The following CABIN1 variants were observed in gnomAD, a reference collection of about 807,000 sequenced individuals.
CABIN1 encodes calcineurin-binding protein cabin-1.
A neutral mutation model predicts 227.7 loss-of-function variants in CABIN1; 133 were observed. That is an observed-to-expected ratio of 0.58 (90% CI 0.51 to 0.67). CABIN1 has a LOEUF of 0.67. CABIN1 is among the 30% of genes least tolerant of loss of function. The pLI is 0.00. For missense variants in CABIN1, 2,408 were observed against 2,852.5 expected (o/e 0.84, Z 3.55); for synonymous variants, 1,086 against 1,155.1 (o/e 0.94, Z 1.21).
At chr22:24,093,280 G>T (rs1234277910) in intron 24 of CABIN1, among the ~76,000 whole-genome samples, 13 of 152,210 alleles carry the variant, frequency 8.5e-5, no homozygotes, top group Admixed American at 8.5e-4. Flanking sequence ...GCTAGGTATG[G>T]TGGCTCACGC....
rs2042620406 is a variant in CABIN1 at position 24,108,171 on chromosome 22, G to A, written c.4118-5395G>A. On this transcript the variant is annotated intron_variant, in intron 26 of 36. Coordinates refer to ENST00000263119, the MANE Select transcript of CABIN1 (RefSeq NM_012295.4). The stretch of plus-strand genomic sequence containing the variant: ...AATCGTGTTAAAAAACCTGAAGTGG[G>A]GGCCTAGAGCAGCAAAATCATTTGG... 2.0e-5 allele frequency among the ~76,000 whole-genome samples: 3 copies of A among 152,190 alleles called. No homozygotes were observed. In the South Asian group the frequency reaches 6.2e-4, roughly 32 times the overall value.
At chr22:24,164,366 C>T in intron 29 of CABIN1, 34 bp from the exon 30 acceptor site, 15 of 1,599,348 alleles carry the variant, frequency 9.4e-6, no homozygotes, top group Non-Finnish European at 1.3e-5. Context: ...GCCACAACCA[C>T]CCCCCTCACA....
At chr22:24,068,307 G>A (rs1269652954) in intron 16 of CABIN1, among the ~76,000 whole-genome samples, 1 of 152,200 alleles carries the variant, frequency 6.6e-6, no homozygotes, top group East Asian at 1.9e-4. Context: ...TTACCTGGCA[G>A]GCTGCAAGGT....
intron 1 of CABIN1, among the ~76,000 whole-genome samples, chr22:24,014,388 G>C (rs112437335): frequency 7.7e-4 from 117 of 151,724 alleles, no homozygotes; most frequent in African/African-American, 2.7e-3. Context: ...ATCTCCTTCA[G>C]GTTAGCTTCT....
chr22:24,110,849 A>C (rs1467266767), intron 26 of CABIN1, among the ~76,000 whole-genome samples: 1 of 142,550 alleles, frequency 7.0e-6, no homozygotes, highest in African/African-American at 2.6e-5. Context: ...AGCAGTTTCA[A>C]AATGGCCCAC....
intron 1 of CABIN1, among the ~76,000 whole-genome samples, chr22:24,021,240 G>A (rs2035704885): frequency 2.0e-5 from 3 of 151,354 alleles, no homozygotes; most frequent in African/African-American, 4.8e-5. Context: ...GGGTGGTCTC[G>A]GACTCCTGGA....
rs756955976 is a variant in CABIN1 at position 24,166,891 on chromosome 22, C to T, written c.5260C>T (p.Arg1754Trp). 1.8e-5 allele frequency: 29 copies of T among 1,609,522 alleles called. No homozygotes were observed. Among genetic ancestry groups the T allele is most frequent in the Admixed American group, 1.5e-4 (9 of 59,316 alleles). ...SGERKDKESP[R>W]AGPTEPMDTS... Reference sequence around the variant, plus strand: ...GGAGCGGAAGGATAAAGAGAGCCCACGGGCAGGGCCCACTGAGCCCATGGA... The same window carrying T: ...GGAGCGGAAGGATAAAGAGAGCCCATGGGCAGGGCCCACTGAGCCCATGGA... Residue 1754 changes from arginine (R) to tryptophan (W), a missense_variant, in exon 32 of 37, where the codon CGG (arginine) becomes TGG (tryptophan). This residue lies in a region of CABIN1 where 714 missense variants were observed against 773.8 expected (regional missense o/e 0.92). Transcript: ENST00000263119.
chr22:24,105,155 C>G (rs1047529605), intron 26 of CABIN1, among the ~76,000 whole-genome samples: 1 of 152,190 alleles, frequency 6.6e-6, no homozygotes, highest in Non-Finnish European at 1.5e-5. Flanking sequence ...TGAGTGGGGA[C>G]AGGCAGCCTT....
intron 19 of CABIN1, among the ~76,000 whole-genome samples, chr22:24,081,670 A>G (rs1361045859): frequency 6.6e-6 from 1 of 151,662 alleles, no homozygotes; most frequent in African/African-American, 2.4e-5. Flanking sequence ...TTTCTAACTT[A>G]CTGAATTGAA....
chr22:24,110,175 A>T (rs181098901), intron 26 of CABIN1, among the ~76,000 whole-genome samples: 2,012 of 152,202 alleles, frequency 0.013, 38 homozygotes, highest in African/African-American at 0.046. Flanking sequence ...CTCAAAAAAA[A>T]TTTTTTTTAA....
At chr22:24,140,173 A>G (rs529540864) in intron 29 of CABIN1, among the ~76,000 whole-genome samples, 1 of 152,256 alleles carries the variant, frequency 6.6e-6, no homozygotes, top group African/African-American at 2.4e-5. Flanking sequence ...AGAGAATGGG[A>G]TGGGTGCTAA....
intron 26 of CABIN1, among the ~76,000 whole-genome samples, chr22:24,104,624 G>T (rs970479879): frequency 6.6e-6 from 1 of 152,090 alleles, no homozygotes; most frequent in Non-Finnish European, 1.5e-5. Flanking sequence ...TCTCTCAGGG[G>T]CCCCCAGGTT....
intron 1 of CABIN1, among the ~76,000 whole-genome samples, chr22:24,019,883 C>A (rs2035597563): frequency 6.6e-6 from 1 of 151,502 alleles, no homozygotes; most frequent in South Asian, 2.1e-4. Context: ...TCTTGAACTC[C>A]CGACCTCAGA....
intron 28 of CABIN1, among the ~76,000 whole-genome samples, chr22:24,125,393 C>G (rs2043657921): frequency 3.3e-5 from 5 of 152,228 alleles, no homozygotes; most frequent in Admixed American, 6.5e-5. Context: ...GTATCCCCAC[C>G]TGCCTGTGCT....
intron 28 of CABIN1, among the ~76,000 whole-genome samples, chr22:24,132,720 T>C (rs2044147244): frequency 6.6e-6 from 1 of 152,216 alleles, no homozygotes; most frequent in Non-Finnish European, 1.5e-5. Context: ...GTTGAGTAGC[T>C]GGGATTAGAG....
intron 18 of CABIN1, among the ~76,000 whole-genome samples, chr22:24,072,944 A>G (rs1339242423): frequency 6.6e-6 from 1 of 152,212 alleles, no homozygotes; most frequent in African/African-American, 2.4e-5. Context: ...GGCAAGTCAT[A>G]TAACTTCAGC....
intron 29 of CABIN1, among the ~76,000 whole-genome samples, chr22:24,149,710 A>G (rs914397163): frequency 8.5e-5 from 13 of 152,230 alleles, no homozygotes; most frequent in Non-Finnish European, 1.8e-4. Context: ...CTGGAGAACT[A>G]TAGAGTTCTC....
chr22:24,043,215 A>T, intron 6 of CABIN1, 131 bp downstream of exon 6: 1 of 676,364 alleles, frequency 1.5e-6, no homozygotes, highest in Non-Finnish European at 2.6e-6. Flanking sequence ...GAGAATGGCA[A>T]TGTTCTTAGA....
At position 24,154,945 on chromosome 22, in the gene CABIN1, G is replaced by A. The variant is rs552354130; in HGVS notation, c.4747-9455G>A. Among the ~76,000 whole-genome samples the A allele has an allele frequency of 6.6e-5, 10 of 152,274 alleles. No homozygotes were observed. The South Asian group carries it at 2.1e-3, about 32-fold the overall frequency. ...GGCTAAATGGGTCTGAGGCCCCTGG[G>A]TGTCTGTGGAGGGAGGAACGGCGCT... is the stretch of plus-strand genomic sequence containing the variant. On this transcript the variant is annotated intron_variant, in intron 29 of 36. Transcript: ENST00000263119.
Sources: allele counts gnomAD v4.1 joint callset (sites outside exome capture counted in the v4.1 genomes callset), GRCh38; gene constraint gnomAD v4.1.1; regional missense constraint gnomAD v4.1.1; transcripts MANE v1.5; gene names NCBI Gene and HGNC (gene_info 2026-07-23, HGNC 2026-07-21).